Variants in NRXN1 observed in about 807,000 individuals in gnomAD.
NRXN1 encodes the protein neurexin 1.
NRXN1 carries 39 observed loss-of-function variants against 150.9 expected under a neutral mutation model. The observed-to-expected ratio is 0.26, with a 90% CI of 0.20 to 0.34. The LOEUF is 0.34. Among genes scored for constraint, NRXN1 ranks in the 10% least tolerant of loss-of-function variants. NRXN1 has a pLI of 1.00. For missense variants in NRXN1, 1,815 were observed against 1,949.9 expected (o/e 0.93, Z 1.30); for synonymous variants, 924 against 757.0 (o/e 1.22, Z -3.62).
intron 17 of NRXN1, among the ~76,000 whole-genome samples, chr2:50,456,568 C>T (rs1024555355): frequency 2.0e-5 from 3 of 152,074 alleles, no homozygotes; most frequent in African/African-American, 7.2e-5. Context: ...CAAAAGGGAT[C>T]CCTGGGCAAG....
At chr2:50,039,563 G>A (rs1414608778) in intron 21 of NRXN1, among the ~76,000 whole-genome samples, 1 of 152,158 alleles carries the variant, frequency 6.6e-6, no homozygotes, top group Non-Finnish European at 1.5e-5. Flanking sequence ...TCTGCTATAT[G>A]CCTGCTACTT....
chr2:50,399,368 A>T (rs2082247871), intron 17 of NRXN1, among the ~76,000 whole-genome samples: 1 of 152,028 alleles, frequency 6.6e-6, no homozygotes, highest in Non-Finnish European at 1.5e-5. Context: ...GTTTTCCAGC[A>T]CTGTTAGAGG....
Position 49,920,310 on chromosome 2 carries a change from G to GTGTT in NRXN1, c.*1630_*1633dup, listed in dbSNP as rs1491493920. The GTGTT allele has an allele frequency of 2.6e-5, 4 of 152,530 alleles. No homozygotes were observed. Among genetic ancestry groups the GTGTT allele is most frequent in the African/African-American group, 4.8e-5 (2 of 41,432 alleles). The allele number at this position is 152,530 out of a possible 1,614,324, so 9.4% of individuals were successfully genotyped here. On this transcript the variant is annotated 3_prime_UTR_variant, in exon 23 of 23. Coordinates refer to ENST00000401669, the MANE Select transcript of NRXN1 (RefSeq NM_001330078.2). ...AAAATACTTTCTTAGTCGAGAGAAAGTGTTTACTTTCCAGAAATGTTCATC... is the reference window on the plus strand; with the variant it reads ...AAAATACTTTCTTAGTCGAGAGAAAGTGTTTGTTTACTTTCCAGAAATGTTCATC...
At chr2:50,095,080 T>C (rs1183133498) in intron 18 of NRXN1, among the ~76,000 whole-genome samples, 1 of 152,178 alleles carries the variant, frequency 6.6e-6, no homozygotes, top group Non-Finnish European at 1.5e-5. Flanking sequence ...GTGAAAGCCA[T>C]GGAAACAATC....
chr2:50,487,881 C>T (rs2090991768), intron 15 of NRXN1, among the ~76,000 whole-genome samples: 1 of 152,130 alleles, frequency 6.6e-6, no homozygotes, highest in Non-Finnish European at 1.5e-5. Context: ...AATCTAAGGT[C>T]CTCCTTCTTC....
At chr2:50,963,958 T>C (rs927452294) in intron 2 of NRXN1, 1 of 440,598 alleles carries the variant, frequency 2.3e-6, no homozygotes, top group Non-Finnish European at 4.6e-6. Context: ...TGAGCTCAAA[T>C]AATACAAACA....
intron 17 of NRXN1, among the ~76,000 whole-genome samples, chr2:50,326,434 A>C (rs936751266): frequency 2.9e-4 from 44 of 152,240 alleles, no homozygotes; most frequent in African/African-American, 9.6e-4. Context: ...CTTTTTCATA[A>C]GTATTTTAAT....
intron 17 of NRXN1, among the ~76,000 whole-genome samples, chr2:50,287,322 G>C (rs1005963298): frequency 1.3e-5 from 2 of 151,938 alleles, no homozygotes; most frequent in African/African-American, 4.8e-5. Context: ...CTTCTTTATG[G>C]ATTTTAACAT....
intron 19 of NRXN1, among the ~76,000 whole-genome samples, chr2:50,055,841 A>C (rs560252581): frequency 6.6e-6 from 1 of 152,224 alleles, no homozygotes; most frequent in African/African-American, 2.4e-5. Context: ...CTTTAAAAGC[A>C]TGACAGCTTA....
chr2:50,061,220 T>C (rs1694485503), intron 19 of NRXN1, among the ~76,000 whole-genome samples: 1 of 152,218 alleles, frequency 6.6e-6, no homozygotes, highest in African/African-American at 2.4e-5. Flanking sequence ...GCTGATTATA[T>C]TTAATACTGT....
At chr2:50,718,280 T>C (rs1490977752) in intron 5 of NRXN1, among the ~76,000 whole-genome samples, 2 of 152,038 alleles carry the variant, frequency 1.3e-5, no homozygotes, top group Non-Finnish European at 2.9e-5. Flanking sequence ...CATAAGTGCA[T>C]GAGTATGGGA....
intron 5 of NRXN1, among the ~76,000 whole-genome samples, chr2:50,733,188 T>G (rs777229020): frequency 5.4e-4 from 82 of 152,266 alleles, no homozygotes; most frequent in Non-Finnish European, 9.6e-4. Flanking sequence ...TGAAATCTAT[T>G]TTTATTGTTG....
In NRXN1 at chr2:50,776,649, TACAC is replaced by T. The variant is rs1180409905; in HGVS notation, c.832+145216_832+145219del. 2.1e-3 allele frequency among the ~76,000 whole-genome samples: 281 copies of T among 131,670 alleles called. 1 individual carries two copies. In the Middle Eastern group the frequency reaches 0.037, roughly 17 times the overall value. 86.4% of individuals were successfully genotyped at this position (131,670 alleles called of 152,430 possible). A position where few individuals can be genotyped will look rare whatever the true frequency, so the allele number is the denominator to read the frequency against. ...ATATAGTGAGATATATATATATATA[TACAC>T]ATACACACACACACACACACACACA... is the stretch of plus-strand genomic sequence containing the variant. On this transcript the variant is annotated intron_variant, in intron 5 of 22. Coordinates refer to ENST00000401669, the MANE Select transcript of NRXN1 (RefSeq NM_001330078.2).
chr2:49,975,123 A>C (rs1573161947), intron 21 of NRXN1, among the ~76,000 whole-genome samples: 1 of 150,528 alleles, frequency 6.6e-6, no homozygotes, highest in Non-Finnish European at 1.5e-5. Flanking sequence ...ATTATATATT[A>C]TATATATGAT....
intron 5 of NRXN1, among the ~76,000 whole-genome samples, chr2:50,673,869 G>A (rs1274290858): frequency 1.3e-5 from 2 of 152,040 alleles, no homozygotes; most frequent in East Asian, 3.9e-4. Context: ...CCATAAAAAA[G>A]GATGACTTCA....
At chr2:50,072,819 C>T (rs982205446) in intron 19 of NRXN1, among the ~76,000 whole-genome samples, 1 of 152,102 alleles carries the variant, frequency 6.6e-6, no homozygotes, top group African/African-American at 2.4e-5. Flanking sequence ...ACAGTGAAGG[C>T]CCAGCAAGTG....
At chr2:49,926,429 T>C (rs1285895785) in intron 22 of NRXN1, 6 of 398,206 alleles carry the variant, frequency 1.5e-5, no homozygotes, top group Non-Finnish European at 1.8e-5. Flanking sequence ...CTTCTTGTTT[T>C]TTGTTGTCTA....
At chr2:50,667,575 G>A (rs1028382481) in intron 5 of NRXN1, among the ~76,000 whole-genome samples, 5 of 152,050 alleles carry the variant, frequency 3.3e-5, no homozygotes, top group South Asian at 2.1e-4. Flanking sequence ...AAGGAAATTC[G>A]TTGGTTCACT....
chr2:50,230,232 A>C (rs1450019080), intron 18 of NRXN1, among the ~76,000 whole-genome samples: 1 of 152,064 alleles, frequency 6.6e-6, no homozygotes, highest in Non-Finnish European at 1.5e-5. Flanking sequence ...ATATAGTGAG[A>C]GAGAATGGGA....
Sources: gnomAD v4.1 joint callset for allele counts (sites outside exome capture counted in the v4.1 genomes callset) on GRCh38, gnomAD v4.1.1 for gene constraint, MANE v1.5 for transcripts, NCBI Gene and HGNC (gene_info 2026-07-23, HGNC 2026-07-21) for gene names.